SALL1: variants seen among roughly 807,000 people sequenced by gnomAD.
SALL1 encodes the protein sal-like protein 1.
Under a neutral mutation model 73.1 loss-of-function variants are expected in SALL1, and 10 were observed. The observed-to-expected ratio is 0.14, with a 90% CI of 0.08 to 0.23. SALL1 has a LOEUF of 0.23. Among genes scored for constraint, SALL1 ranks in the 10% least tolerant of loss-of-function variants. The pLI, the probability that SALL1 is intolerant of heterozygous loss-of-function variation, is 1.00. For missense variants in SALL1, 1,520 were observed against 1,697.3 expected (o/e 0.90, Z 1.84); for synonymous variants, 688 against 689.8 (o/e 1.00, Z 0.04).
At position 51,142,150 on chromosome 16, in the gene SALL1, A is replaced by G; in HGVS notation, c.77-5T>C. On this transcript the variant is annotated splice_polypyrimidine_tract_variant and splice_region_variant and intron_variant, in intron 1 of 2. Transcript: ENST00000251020. ...GTTGACCCTTTTCTGTGTCTCCTAC[A>G]AATGTCAAAAAGGTGCAGGATTAGA... 2.5e-6 allele frequency: 4 copies of G among 1,608,732 alleles called. No homozygotes were observed. The highest frequency in any genetic ancestry group is 2.5e-6 in the Non-Finnish European group (3 of 1,176,578).
At chr16:51,151,531 A>G (rs1217335507), upstream of SALL1, among the ~76,000 whole-genome samples, 1 of 151,858 alleles carries the variant, frequency 6.6e-6, no homozygotes, top group East Asian at 1.9e-4. Flanking sequence ...GATTTGCTGC[A>G]GACCCCTGTC....
chr16:51,151,258 GC>G lies in SALL1; in HGVS notation c.-18del. ...CCGCGACATGCTGGCTCAAACATCA[GC>G]TGGGGCAGAATAAAAAATTACTAAA... On this transcript the variant is annotated 5_prime_UTR_variant, in exon 1 of 3. Coordinates refer to ENST00000251020, the MANE Select transcript of SALL1 (RefSeq NM_002968.3). 6.4e-7 allele frequency: 1 copy of G among 1,561,328 alleles called. No individual in the cohort carries two copies. The highest frequency in any genetic ancestry group is 8.7e-7 in the Non-Finnish European group (1 of 1,151,474).
intron 1 of SALL1, chr16:51,150,433 G>A: frequency 1.0e-6 from 1 of 985,594 alleles, no homozygotes; most frequent in Non-Finnish European, 1.2e-6. Context: ...GAGATGCGGA[G>A]ATAAATTTTG....
chr16:51,137,932 A>G (rs1207650180), intron 2 of SALL1, among the ~76,000 whole-genome samples: 1 of 152,226 alleles, frequency 6.6e-6, no homozygotes, highest in Admixed American at 6.5e-5. Flanking sequence ...TAAGTATTGT[A>G]TCTGACACCC....
rs1317946303 is a variant in SALL1 at position 51,141,652 on chromosome 16, T to A, written c.570A>T (p.Val190=). The A allele has an allele frequency of 6.2e-7, 1 of 1,613,580 alleles. No homozygotes were observed. Among genetic ancestry groups the A allele is most frequent in the Non-Finnish European group, 8.5e-7 (1 of 1,180,032 alleles). The change falls in exon 2 of 3, where the codon GTA becomes GTT. Residue 190 remains valine, a synonymous_variant. Transcript: ENST00000251020. The surrounding 1 kb of genome is among the most constrained non-coding windows in gnomAD (Gnocchi z 5.4). ...TCTCGATGATGACGTTGCTGTTGAT[T>A]ACGGAGAAGTTGCCCAGTGTTGTCA... ...GDLTTLGNFS[V]INSNVIIENL...
intron 1 of SALL1, chr16:51,150,502 C>T: frequency 1.0e-6 from 1 of 985,798 alleles, no homozygotes; most frequent in African/African-American, 1.7e-5. Context: ...CAACTGGCGG[C>T]CAGCAGCACT....
At position 51,139,031 on chromosome 16, in the gene SALL1, C is replaced by A; in HGVS notation, c.3191G>T (p.Ser1064Ile). The A allele has an allele frequency of 6.2e-7, 1 of 1,614,178 alleles. No individual in the cohort carries two copies. Among genetic ancestry groups the A allele is most frequent in the Non-Finnish European group, 8.5e-7 (1 of 1,180,030 alleles). Residue 1064 changes from serine (S) to isoleucine (I), a missense_variant, in exon 2 of 3, where the codon AGT (serine) becomes ATT (isoleucine). Transcript: ENST00000251020. ...RDLPSQLFEP[S>I]SNLGPNQNSA... is the part of the protein sequence containing the mutation. ...GTTCTGATTGGGGCCAAGGTTGGAA[C>A]TGGGCTCAAAGAGCTGGGATGGCAG...
chr16:51,141,519 C>T lies in SALL1; in HGVS notation c.703G>A (p.Ala235Thr), dbSNP rs761053549. The T allele has an allele frequency of 1.5e-5, 25 of 1,613,862 alleles. No individual in the cohort carries two copies. The highest frequency in any genetic ancestry group is 2.1e-5 in the Non-Finnish European group (25 of 1,180,010). ...AVPALMEQLL[A>T]LQQQQIHQLQ... ...TGGTGGATCTGCTGCTGCTGCAGAG[C>T]TAGGAGTTGTTCCATGAGGGCTGGG... Residue 235 changes from alanine to threonine, a missense_variant, in exon 2 of 3, where the codon GCT becomes ACT. Ala to Thr is a moderately conservative substitution (Grantham distance 58, BLOSUM62 0). Around this residue, in one of 7 missense-constraint regions of SALL1, gnomAD observed 540 missense variants for 567.5 expected, o/e 0.95. Transcript: ENST00000251020. The surrounding 1 kb of genome is among the most constrained non-coding windows in gnomAD (Gnocchi z 5.4).
intron 1 of SALL1, among the ~76,000 whole-genome samples, chr16:51,145,792 A>G (rs999943702): frequency 6.6e-6 from 1 of 152,132 alleles, no homozygotes; most frequent in Admixed American, 6.5e-5. Flanking sequence ...AACAAATGCA[A>G]CCACCTTACT....
In SALL1 at chr16:51,140,585, G is replaced by C. The variant is rs767303059; in HGVS notation, c.1637C>G (p.Pro546Arg). The C allele has an allele frequency of 4.3e-6, 7 of 1,613,938 alleles. No individual in the cohort carries two copies. Among genetic ancestry groups the C allele is most frequent in the African/African-American group, 1.3e-5 (1 of 74,920 alleles). Residue 546 changes from proline (P) to arginine (R), a missense_variant, in exon 2 of 3, where the codon CCA becomes CGA. Pro to Arg is a moderately radical substitution (Grantham distance 103). Transcript: ENST00000251020. This position sits in a 1 kb window ranked among gnomAD's most constrained non-coding sequence, Gnocchi z 5.7. ...TGAAGTGGTCAGAGTAGGCAGGACT[G>C]GTTTGGTGTCTAGCCAGCTGGTGAC... ...KPVTSWLDTK[P>R]VLPTLTTSVG...
At chr16:51,146,567 G>T (rs1445475780) in intron 1 of SALL1, among the ~76,000 whole-genome samples, 1 of 152,194 alleles carries the variant, frequency 6.6e-6, no homozygotes, top group Non-Finnish European at 1.5e-5. Context: ...CCCTTTGGGG[G>T]TCTGGCATCT....
Position 51,140,108 on chromosome 16 carries a change from G to A in SALL1, c.2114C>T (p.Pro705Leu), listed in dbSNP as rs1962390933. The change falls in exon 2 of 3, where the codon CCC (proline) becomes CTC (leucine). Residue 705 changes from proline to leucine, a missense_variant. Pro to Leu is a moderately conservative substitution (Grantham distance 98, BLOSUM62 -3). Transcript: ENST00000251020. This position sits in a 1 kb window ranked among gnomAD's most constrained non-coding sequence, Gnocchi z 5.7. ...VENIDKKATD[P>L]NECIICHRVL... is the part of the protein sequence containing the mutation. ...CCGGTGGCAGATGATGCACTCATTG[G>A]GGTCAGTGGCCTTCTTGTCAATGTT... 1 of 1,614,164 alleles carries A rather than the reference G, an allele frequency of 6.2e-7. No individual in the cohort carries two copies. The highest frequency in any genetic ancestry group is 8.5e-7 in the Non-Finnish European group (1 of 1,180,022).
Position 51,140,271 on chromosome 16 carries a change from G to A in SALL1, c.1951C>T (p.Pro651Ser). ...GTGAAGGTGGTGGCACTGCCCGCGG[G>A]GCCGCAGTCTGCCGCTGGGGAGCTC... The part of the protein sequence containing the change: ...VLSSPAADCG[P>S]AGSATTFTNP... Residue 651 changes from proline to serine, a missense_variant, in exon 2 of 3, where the codon CCC (proline) becomes TCC (serine). Pro to Ser is a moderately conservative substitution (Grantham distance 74). Coordinates refer to ENST00000251020, the MANE Select transcript of SALL1 (RefSeq NM_002968.3). This position sits in a 1 kb window ranked among gnomAD's most constrained non-coding sequence, Gnocchi z 5.7. 6.2e-7 allele frequency: 1 copy of A among 1,614,142 alleles called. No homozygotes were observed. The highest frequency in any genetic ancestry group is 8.5e-7 in the Non-Finnish European group (1 of 1,180,044).
upstream of SALL1, chr16:51,151,290 A>G (rs781336249): frequency 7.3e-7 from 1 of 1,373,730 alleles, no homozygotes; most frequent in South Asian, 1.6e-5. Context: ...CTAAAAAAAA[A>G]TCTTCTCAAA....
intron 1 of SALL1, chr16:51,149,163 T>C (rs1962559740): frequency 6.6e-6 from 1 of 152,614 alleles, no homozygotes; most frequent in Admixed American, 6.5e-5. Context: ...CCTTTTATAT[T>C]ATTGCTTTAT....
chr16:51,141,053 G>A lies in SALL1; in HGVS notation c.1169C>T (p.Pro390Leu). The A allele has an allele frequency of 6.2e-7, 1 of 1,614,208 alleles. No homozygotes were observed. The highest frequency in any genetic ancestry group is 8.5e-7 in the Non-Finnish European group (1 of 1,180,040). Residue 390 changes from proline (P) to leucine (L), a missense_variant, in exon 2 of 3, where the codon CCA (proline) becomes CTA (leucine). Around this residue, in one of 7 missense-constraint regions of SALL1, gnomAD observed 540 missense variants for 567.5 expected, o/e 0.95. Transcript: ENST00000251020. This position sits in a 1 kb window ranked among gnomAD's most constrained non-coding sequence, Gnocchi z 5.4. ...AGCGGAGGCTTGCTGAGGTAGAAGTGGATTAGACGCAGGACTTAATAAACT... is the reference window on the plus strand; with the variant it reads ...AGCGGAGGCTTGCTGAGGTAGAAGTAGATTAGACGCAGGACTTAATAAACT... The part of the protein sequence containing the change: ...ISSLLSPASN[P>L]LLPQQASANS...
chr16:51,141,236 G>T lies in SALL1; in HGVS notation c.986C>A (p.Thr329Asn), dbSNP rs886043094. The change falls in exon 2 of 3, where the codon ACC becomes AAC. Residue 329 changes from threonine (T) to asparagine (N), a missense_variant. Thr to Asn is a moderately conservative substitution (Grantham distance 65). This residue lies in a region of SALL1 where 540 missense variants were observed against 567.5 expected (regional missense o/e 0.95). Coordinates refer to ENST00000251020, the MANE Select transcript of SALL1 (RefSeq NM_002968.3). This position sits in a 1 kb window ranked among gnomAD's most constrained non-coding sequence, Gnocchi z 5.4. Reference protein sequence around the residue: ...IQLPQSSSGNTIIPSNSGSSP... With the variant: ...IQLPQSSSGNNIIPSNSGSSP... ...AGAGCCGCTGTTGGATGGAATGATG[G>T]TGTTGCCAGAACTGCTCTGAGGTAG... 1 of 1,614,036 alleles carries T rather than the reference G, an allele frequency of 6.2e-7. No homozygotes were observed. Among genetic ancestry groups the T allele is most frequent in the South Asian group, 1.1e-5 (1 of 91,078 alleles).
At chr16:51,151,595 C>G (rs867753870), upstream of SALL1, among the ~76,000 whole-genome samples, 29 of 151,468 alleles carry the variant, frequency 1.9e-4, no homozygotes, top group African/African-American at 6.8e-4. Context: ...GCGCGCCGCG[C>G]CGCCCGACAC....
At position 51,140,301 on chromosome 16, in the gene SALL1, C is replaced by T. The variant is rs750975954; in HGVS notation, c.1921G>A (p.Val641Ile). The T allele has an allele frequency of 1.7e-5, 28 of 1,614,004 alleles. No homozygotes were observed. The highest frequency in any genetic ancestry group is 1.6e-4 in the Middle Eastern group (1 of 6,084). Residue 641 changes from valine to isoleucine, a missense_variant, in exon 2 of 3, where the codon GTC becomes ATC. Around this residue, in one of 7 missense-constraint regions of SALL1, gnomAD observed 276 missense variants for 259.1 expected, o/e 1.07. Coordinates refer to ENST00000251020, the MANE Select transcript of SALL1 (RefSeq NM_002968.3). The surrounding 1 kb of genome is among the most constrained non-coding windows in gnomAD (Gnocchi z 5.7). ...TNSVPTASSS[V>I]LSSPAADCGP... ...CAGTCTGCCGCTGGGGAGCTCAGGACGCTACTGCTCGCCGTCGGGACTGAG... is the reference window on the plus strand; with the variant it reads ...CAGTCTGCCGCTGGGGAGCTCAGGATGCTACTGCTCGCCGTCGGGACTGAG...
Sources: gnomAD v4.1 joint callset for allele counts (sites outside exome capture counted in the v4.1 genomes callset) on GRCh38, gnomAD v4.1.1 for gene constraint, gnomAD v4.1.1 regional missense constraint, Gnocchi (gnomAD v3.1) non-coding constraint, MANE v1.5 for transcripts, NCBI Gene and HGNC (gene_info 2026-07-23, HGNC 2026-07-21) for gene names.